Variants in EPHA5 observed in about 807,000 individuals in gnomAD.
The protein encoded by EPHA5 is EPH receptor A5, also known as ephrin type-A receptor 5.
A neutral mutation model predicts 105.0 loss-of-function variants in EPHA5; 60 were observed. The ratio of observed to expected loss-of-function variants is 0.57; its 90% CI spans 0.46 to 0.71. The LOEUF (loss-of-function observed/expected upper bound fraction) is 0.71. Ranked by LOEUF, EPHA5 falls within the 30% of genes least tolerant of loss-of-function variation. The pLI, the probability that EPHA5 is intolerant of heterozygous loss-of-function variation, is 0.00. For missense variants in EPHA5, 1,218 were observed against 1,274.7 expected, an observed-to-expected ratio of 0.96 and a Z score of 0.68; for synonymous variants, 513 against 449.1, an observed-to-expected ratio of 1.14 and a Z score of -1.80.
intron 3 of EPHA5, among the ~76,000 whole-genome samples, chr4:65,591,090 G>C (rs1193639320): frequency 6.6e-6 from 1 of 151,916 alleles, no homozygotes; most frequent in South Asian, 2.1e-4. Context: ...TTCAACTCAT[G>C]TTAAATTTTT....
chr4:65,612,211 G>A (rs1190990582), intron 2 of EPHA5, among the ~76,000 whole-genome samples: 1 of 152,040 alleles, frequency 6.6e-6, no homozygotes, highest in Non-Finnish European at 1.5e-5. Flanking sequence ...GCATAGTGGT[G>A]AAGTCTGGGT....
intron 8 of EPHA5, among the ~76,000 whole-genome samples, chr4:65,373,854 A>C (rs1718730099): frequency 6.6e-6 from 1 of 152,032 alleles, no homozygotes; most frequent in Non-Finnish European, 1.5e-5. Flanking sequence ...AAGACACTGA[A>C]AAGCATGAAA....
chr4:65,543,382 T>C (rs1209843981), intron 3 of EPHA5, among the ~76,000 whole-genome samples: 7 of 152,044 alleles, frequency 4.6e-5, no homozygotes, highest in Non-Finnish European at 8.8e-5. Context: ...ACTCTCAGGA[T>C]ACAAAAATCC....
chr4:65,558,785 G>C (rs1738721392), intron 3 of EPHA5, among the ~76,000 whole-genome samples: 1 of 151,988 alleles, frequency 6.6e-6, no homozygotes, highest in Non-Finnish European at 1.5e-5. Context: ...AAGGTTTGTT[G>C]CTGAAATTTA....
At chr4:65,547,312 A>AG (rs1737474977) in intron 3 of EPHA5, among the ~76,000 whole-genome samples, 2 of 150,182 alleles carry the variant, frequency 1.3e-5, no homozygotes, top group South Asian at 2.1e-4. Context: ...AAAAAAAAAA[A>AG]GAAAGAAACC....
At chr4:65,490,348 T>C (rs748673249) in intron 5 of EPHA5, 29 bp downstream of exon 5, 39 of 1,593,584 alleles carry the variant, frequency 2.4e-5, no homozygotes, top group African/African-American at 5.4e-5. Context: ...AGGCCTCACA[T>C]ACACAATTGG....
intron 8 of EPHA5, among the ~76,000 whole-genome samples, chr4:65,399,546 G>T (rs1721606423): frequency 6.6e-6 from 1 of 152,150 alleles, no homozygotes; most frequent in Non-Finnish European, 1.5e-5. Context: ...TCATACATAA[G>T]GCCAAGCAGC....
At chr4:65,574,717 T>TAC (rs1740694531) in intron 3 of EPHA5, among the ~76,000 whole-genome samples, 2 of 72,262 alleles carry the variant, frequency 2.8e-5, no homozygotes, top group Non-Finnish European at 6.1e-5. Context: ...TACATATATA[T>TAC]ATACATATAT....
At chr4:65,365,649 C>CTATA (rs57048004) in intron 10 of EPHA5, among the ~76,000 whole-genome samples, 900 of 64,644 alleles carry the variant, frequency 0.014, 13 homozygotes, top group Non-Finnish European at 0.018. Context: ...TACAAATTCA[C>CTATA]TATATATATA....
At chr4:65,637,545 A>G (rs1276046458) in intron 2 of EPHA5, among the ~76,000 whole-genome samples, 1 of 142,022 alleles carries the variant, frequency 7.0e-6, no homozygotes, top group African/African-American at 2.6e-5. Flanking sequence ...ATGAACTCAT[A>G]TATATACACA....
At chr4:65,528,416 A>T (rs1735446465) in intron 3 of EPHA5, among the ~76,000 whole-genome samples, 1 of 152,096 alleles carries the variant, frequency 6.6e-6, no homozygotes, top group Admixed American at 6.6e-5. Context: ...CACTCAAGAA[A>T]TATATTTAAT....
intron 6 of EPHA5, among the ~76,000 whole-genome samples, chr4:65,419,850 A>G (rs1468220500): frequency 6.6e-6 from 1 of 152,296 alleles, no homozygotes; most frequent in Non-Finnish European, 1.5e-5. Context: ...AGACCTCGAC[A>G]GCTATTACGG....
intron 8 of EPHA5, among the ~76,000 whole-genome samples, chr4:65,380,900 G>A (rs1467206067): frequency 6.6e-6 from 1 of 151,620 alleles, no homozygotes; most frequent in African/African-American, 2.4e-5. Context: ...TCACAAAATG[G>A]TTAGATCATG....
At chr4:65,390,705 C>A (rs933826523) in intron 8 of EPHA5, among the ~76,000 whole-genome samples, 2 of 151,868 alleles carry the variant, frequency 1.3e-5, no homozygotes, top group Admixed American at 6.6e-5. Context: ...AAAATAACAA[C>A]AAAATCAACT....
intron 1 of EPHA5, among the ~76,000 whole-genome samples, chr4:65,651,162 T>C (rs1748574058): frequency 6.6e-6 from 1 of 152,156 alleles, no homozygotes; most frequent in South Asian, 2.1e-4. Flanking sequence ...GATACAGTCA[T>C]CGAGAGAAAA....
At chr4:65,368,969 A>AT in intron 8 of EPHA5, among the ~76,000 whole-genome samples, 1 of 152,186 alleles carries the variant, frequency 6.6e-6, no homozygotes, top group Middle Eastern at 3.4e-3. Context: ...TTAATGTAGT[A>AT]TTTTCCCTTT....
chr4:65,508,094 A>G (rs574059931), intron 3 of EPHA5, among the ~76,000 whole-genome samples: 9 of 152,216 alleles, frequency 5.9e-5, no homozygotes, highest in African/African-American at 1.7e-4. Flanking sequence ...TTTCCTTAGT[A>G]CATGGGCTTT....
intron 1 of EPHA5, among the ~76,000 whole-genome samples, chr4:65,657,507 T>A (rs67898405): frequency 0.17 from 25,226 of 152,128 alleles, 2,414 homozygotes; most frequent in Non-Finnish European, 0.21. Context: ...TCATTATACG[T>A]CTAGCAAATC....
intron 3 of EPHA5, among the ~76,000 whole-genome samples, chr4:65,563,071 C>T (rs1251506158): frequency 2.0e-5 from 3 of 151,928 alleles, no homozygotes; most frequent in Non-Finnish European, 2.9e-5. Flanking sequence ...ATAAAATATA[C>T]TTTCAAGTAG....
Sources: allele counts gnomAD v4.1 joint callset (sites outside exome capture counted in the v4.1 genomes callset), GRCh38; gene constraint gnomAD v4.1.1; transcripts MANE v1.5; gene names NCBI Gene and HGNC (gene_info 2026-07-23, HGNC 2026-07-21).